MTDH: variants seen among roughly 807,000 people sequenced by gnomAD.
The protein encoded by MTDH is protein LYRIC.
In MTDH, 34 loss-of-function variants were observed where a neutral mutation model predicts 72.7. The ratio of observed to expected loss-of-function variants is 0.47; its 90% confidence interval spans 0.36 to 0.62. The LOEUF (loss-of-function observed/expected upper bound fraction) is 0.62. Among genes scored for constraint, MTDH ranks in the 20% least tolerant of loss-of-function variants. The pLI is 0.00. For synonymous variants in MTDH, 266 were observed against 268.9 expected, an observed-to-expected ratio of 0.99 and a Z score of 0.10; for missense variants, 677 against 699.4, an observed-to-expected ratio of 0.97 and a Z score of 0.36.
rs544578870 is a variant in MTDH, at chr8:97,703,024, A to AC, written c.1147+3173dup. 6.6e-5 allele frequency among the ~76,000 whole-genome samples: 10 copies of AC among 152,336 alleles called. No homozygotes were observed. The South Asian group carries it at 2.1e-3, about 32-fold the overall frequency. On this transcript the variant is annotated intron_variant, in intron 7 of 11. Coordinates refer to ENST00000336273, the MANE Select transcript of MTDH (RefSeq NM_178812.4). ...TATACTGTGAATCATTTTTAAGGGAACTATGTCTAAGAAGTTTTTTGGTAC... is the reference window on the plus strand; with the variant it reads ...TATACTGTGAATCATTTTTAAGGGAACCTATGTCTAAGAAGTTTTTTGGTAC...
chr8:97,696,343 T>G, intron 6 of MTDH: 2 of 878,018 alleles, frequency 2.3e-6, no homozygotes, highest in South Asian at 1.0e-4. Context: ...TTTGTTTAAT[T>G]TTAGTGCTTG....
chr8:97,713,715 C>CA lies in MTDH; in HGVS notation c.1331dup (p.Lys445GlufsTer10). 1 of 1,601,158 alleles carries CA rather than the reference C, an allele frequency of 6.2e-7. No homozygotes were observed. Among genetic ancestry groups the CA allele is most frequent in the South Asian group, 1.1e-5 (1 of 89,012 alleles). ...AGGGAGCTCTTCCAACTGGGAAATCCAAAAAGAAAAAAAAGAAAAAGAAGA... is the reference window on the plus strand; with the variant it reads ...AGGGAGCTCTTCCAACTGGGAAATCCAAAAAAGAAAAAAAAGAAAAAGAAGA... On this transcript the variant is annotated frameshift_variant, in exon 9 of 12. Coordinates refer to ENST00000336273, the MANE Select transcript of MTDH (RefSeq NM_178812.4). LOFTEE classifies it high-confidence loss of function.
chr8:97,688,957 ATT>A, intron 4 of MTDH, 79 bp from the exon 5 acceptor site: 1 of 621,732 alleles, frequency 1.6e-6, no homozygotes. Flanking sequence ...ATAATTAAAA[ATT>A]AATTTATGTG....
intron 6 of MTDH, among the ~76,000 whole-genome samples, chr8:97,693,878 G>T (rs1157285070): frequency 6.6e-6 from 1 of 151,852 alleles, no homozygotes; most frequent in Non-Finnish European, 1.5e-5. Flanking sequence ...ACCACACCTG[G>T]CTAATTTTGG....
chr8:97,645,880 A>G (rs1488041761), intron 1 of MTDH, among the ~76,000 whole-genome samples: 2 of 152,210 alleles, frequency 1.3e-5, no homozygotes, highest in African/African-American at 2.4e-5. Flanking sequence ...TTTTATATCC[A>G]GCGAATTAAG....
chr8:97,721,974 T>C (rs1340402487), intron 10 of MTDH, among the ~76,000 whole-genome samples: 1 of 152,238 alleles, frequency 6.6e-6, no homozygotes, highest in Non-Finnish European at 1.5e-5. Flanking sequence ...AATTCTTACC[T>C]GTTGGGAAGG....
chr8:97,665,953 C>A (rs192404493), intron 2 of MTDH, among the ~76,000 whole-genome samples: 1 of 151,896 alleles, frequency 6.6e-6, no homozygotes, highest in African/African-American at 2.4e-5. Flanking sequence ...ACAGTGAAAC[C>A]CCGTCTCTAC....
At chr8:97,670,396 A>C (rs1044956724) in intron 2 of MTDH, among the ~76,000 whole-genome samples, 1 of 152,248 alleles carries the variant, frequency 6.6e-6, no homozygotes, top group South Asian at 2.1e-4. Context: ...AGGTGGATGG[A>C]TCATGAGGTC....
intron 3 of MTDH, 69 bp from the exon 4 acceptor site, chr8:97,687,360 C>T (rs1436396048): frequency 7.3e-7 from 1 of 1,371,770 alleles, no homozygotes; most frequent in African/African-American, 1.5e-5. Context: ...ACCCCATATT[C>T]TCCCCCAAAA....
chr8:97,681,342 G>A (rs531345212), intron 2 of MTDH, among the ~76,000 whole-genome samples: 14 of 152,014 alleles, frequency 9.2e-5, no homozygotes, highest in African/African-American at 3.4e-4. Flanking sequence ...AGATCAATTT[G>A]TGGAAGACAT....
At chr8:97,690,904 TAAG>T (rs1813579686) in intron 5 of MTDH, 45 bp from the exon 6 acceptor site, 2 of 1,331,554 alleles carry the variant, frequency 1.5e-6, no homozygotes, top group South Asian at 1.3e-5. Flanking sequence ...ATCCCAGTTT[TAAG>T]AAGTCATGTA....
chr8:97,645,602 G>C, intron 1 of MTDH, among the ~76,000 whole-genome samples: 1 of 152,168 alleles, frequency 6.6e-6, no homozygotes, highest in Non-Finnish European at 1.5e-5. Flanking sequence ...TGGTAGATTT[G>C]TGAAATAGAG....
chr8:97,707,144 CTT>C (rs1038790105), intron 8 of MTDH, among the ~76,000 whole-genome samples: 1 of 144,836 alleles, frequency 6.9e-6, no homozygotes, highest in Admixed American at 6.9e-5. Flanking sequence ...GGTCAGCAGT[CTT>C]TTTTTCTTTT....
rs1264947865 is a variant in MTDH, at chr8:97,724,907, C to G, written c.*237C>G. On this transcript the variant is annotated 3_prime_UTR_variant, in exon 12 of 12. Coordinates refer to ENST00000336273, the MANE Select transcript of MTDH (RefSeq NM_178812.4). ...ACTTGGGAAAGTCTTTTTAATAGAA[C>G]AAGAACGATCTTAATTTAAGAATAT... The G allele has an allele frequency of 1.6e-5, 5 of 317,418 alleles. No homozygotes were observed. The highest frequency in any genetic ancestry group is 2.9e-5 in the Non-Finnish European group (5 of 173,830). 19.7% of individuals were successfully genotyped at this position (317,418 alleles called of 1,614,324 possible).
At chr8:97,647,452 A>C (rs973689288) in intron 1 of MTDH, among the ~76,000 whole-genome samples, 8 of 152,094 alleles carry the variant, frequency 5.3e-5, no homozygotes, top group African/African-American at 1.4e-4. Context: ...AGTCCCAGCT[A>C]TTCTGGAGGC....
rs181146868 is a variant in MTDH at position 97,673,150 on chromosome 8, A to G, written c.483+11977A>G. On this transcript the variant is annotated intron_variant, in intron 2 of 11. Coordinates refer to ENST00000336273, the MANE Select transcript of MTDH (RefSeq NM_178812.4). ...AACAGTTGATAAAACAAGAGCCCCTACTCTTGTGAAACTTAGTCGGGAAAA... is the reference window on the plus strand; with the variant it reads ...AACAGTTGATAAAACAAGAGCCCCTGCTCTTGTGAAACTTAGTCGGGAAAA... Among the ~76,000 whole-genome samples, 3 of 152,244 alleles carry G rather than the reference A, an allele frequency of 2.0e-5. No homozygotes were observed. The East Asian group carries it at 5.8e-4, about 29-fold the overall frequency.
chr8:97,661,336 G>A lies in MTDH; in HGVS notation c.483+163G>A, dbSNP rs538565430. Among the ~76,000 whole-genome samples the A allele has an allele frequency of 1.6e-4, 25 of 152,234 alleles. No homozygotes were observed. In the East Asian group the frequency reaches 3.9e-3, roughly 23 times the overall value. ...GGATGGGTGGTAAAAGTTTAACTGA[G>A]TTGTTTTTGTTTTTTTAAAGGAAAG... On this transcript the variant is annotated intron_variant, in intron 2 of 11. Transcript: ENST00000336273.
At chr8:97,690,593 T>C (rs1813559869) in intron 5 of MTDH, among the ~76,000 whole-genome samples, 1 of 152,050 alleles carries the variant, frequency 6.6e-6, no homozygotes, top group Admixed American at 6.6e-5. Flanking sequence ...AATTTTAATG[T>C]GCAGCCAGGT....
intron 6 of MTDH, among the ~76,000 whole-genome samples, chr8:97,695,288 ATTTT>A: frequency 6.6e-6 from 1 of 151,718 alleles, no homozygotes; most frequent in Admixed American, 6.6e-5. Context: ...TAATTTTTGT[ATTTT>A]TAGTAGAAAT....
Sources: allele counts gnomAD v4.1 joint callset (sites outside exome capture counted in the v4.1 genomes callset), GRCh38; gene constraint gnomAD v4.1.1; transcripts MANE v1.5; gene names NCBI Gene and HGNC (gene_info 2026-07-23, HGNC 2026-07-21).